The following TAFA4 variants were observed in gnomAD, a reference collection of about 807,000 sequenced individuals.
TAFA4 encodes TAFA chemokine like family member 4.
TAFA4 carries 20 observed loss-of-function variants against 21.1 expected under a neutral mutation model. The ratio of observed to expected loss-of-function variants is 0.95; its 90% confidence interval spans 0.67 to 1.38. TAFA4 has a LOEUF of 1.38. TAFA4 is among the 40% of genes most tolerant of loss of function. TAFA4 has a pLI of 0.00. For missense variants in TAFA4, 211 were observed against 180.9 expected (o/e 1.17, Z -0.95); for synonymous variants, 71 against 67.4 (o/e 1.05, Z -0.26).
At chr3:68,794,804 T>A (rs1464654329) in intron 3 of TAFA4, among the ~76,000 whole-genome samples, 3 of 152,110 alleles carry the variant, frequency 2.0e-5, no homozygotes, top group African/African-American at 7.2e-5. Context: ...ATTCCCTTTA[T>A]TATTTTTAAT....
chr3:68,817,559 T>C (rs764493093), intron 3 of TAFA4, among the ~76,000 whole-genome samples: 1 of 152,214 alleles, frequency 6.6e-6, no homozygotes, highest in Non-Finnish European at 1.5e-5. Flanking sequence ...AAAATAACTA[T>C]ATAAAGCAGC....
At position 68,787,419 on chromosome 3, in the gene TAFA4, T is replaced by C. The variant is rs915659019; in HGVS notation, c.131-34401A>G. Among the ~76,000 whole-genome samples, 35 of 152,116 alleles carry C rather than the reference T, an allele frequency of 2.3e-4. 1 individual carries two copies. Among genetic ancestry groups the C allele is most frequent in the African/African-American group, 7.0e-4 (29 of 41,424 alleles). ...TCATAAAGGGGAAAGAGAGGGGAGA[T>C]AAGGAGAAGATAACAATCATAATTA... On this transcript the variant is annotated intron_variant, in intron 3 of 5. Transcript: ENST00000295569.
At chr3:68,845,323 A>G (rs542299951) in intron 3 of TAFA4, among the ~76,000 whole-genome samples, 2 of 152,050 alleles carry the variant, frequency 1.3e-5, no homozygotes, top group Admixed American at 6.5e-5. Flanking sequence ...AGAGACTAGT[A>G]TTGCAACCCC....
intron 3 of TAFA4, among the ~76,000 whole-genome samples, chr3:68,844,997 G>A (rs1704752193): frequency 6.6e-6 from 1 of 152,202 alleles, no homozygotes; most frequent in South Asian, 2.1e-4. Flanking sequence ...GTATTCTGCT[G>A]ATTTGGGGAG....
intron 3 of TAFA4, among the ~76,000 whole-genome samples, chr3:68,780,800 C>T (rs1024990987): frequency 7.2e-5 from 11 of 151,994 alleles, no homozygotes; most frequent in African/African-American, 2.4e-4. Flanking sequence ...TAATCAGCAA[C>T]TGGCTGGTAT....
chr3:68,832,531 T>C (rs1201205075), intron 3 of TAFA4, among the ~76,000 whole-genome samples: 2 of 152,168 alleles, frequency 1.3e-5, no homozygotes, highest in Non-Finnish European at 2.9e-5. Flanking sequence ...AAAGCAAATA[T>C]TGCTACCTGA....
chr3:68,738,902 C>G (rs1472416755), intron 5 of TAFA4, among the ~76,000 whole-genome samples, 173 bp downstream of exon 5: 1 of 152,148 alleles, frequency 6.6e-6, no homozygotes, highest in East Asian at 1.9e-4. Context: ...ATCTGACACA[C>G]AGAATGATGC....
chr3:68,741,978 AAAACACTAGC>A (rs1177008790), intron 4 of TAFA4, among the ~76,000 whole-genome samples: 4 of 152,264 alleles, frequency 2.6e-5, no homozygotes, highest in African/African-American at 4.8e-5. Flanking sequence ...AATCCTCAAC[AAAACACTAGC>A]AAACTGAATT....
chr3:68,853,870 G>A (rs991494233), intron 3 of TAFA4, among the ~76,000 whole-genome samples: 6 of 152,054 alleles, frequency 3.9e-5, no homozygotes, highest in Non-Finnish European at 7.4e-5. Context: ...CCTGGGCTCA[G>A]AGCATACAGA....
rs112401175 is a variant in TAFA4, at chr3:68,891,734, G to A, written c.-122-6424C>T. Among the ~76,000 whole-genome samples, 7 of 152,230 alleles carry A rather than the reference G, an allele frequency of 4.6e-5. No individual in the cohort carries two copies. In the South Asian group the frequency reaches 6.2e-4, roughly 14 times the overall value. ...GTTTTATGAGTGGAAGGGTAGGGATGGGGGGAGACTATCCCACTAAGTGAT... is the reference window on the plus strand; with the variant it reads ...GTTTTATGAGTGGAAGGGTAGGGATAGGGGGAGACTATCCCACTAAGTGAT... On this transcript the variant is annotated intron_variant, in intron 1 of 5. Coordinates refer to ENST00000295569, the MANE Select transcript of TAFA4 (RefSeq NM_182522.5).
At chr3:68,733,615 TA>T (rs1702190438) in intron 5 of TAFA4, among the ~76,000 whole-genome samples, 1 of 152,160 alleles carries the variant, frequency 6.6e-6, no homozygotes, top group South Asian at 2.1e-4. Context: ...TATTATCCAT[TA>T]AAAAGGTAGT....
chr3:68,912,073 T>G (rs1363746601), intron 1 of TAFA4, among the ~76,000 whole-genome samples: 4 of 152,164 alleles, frequency 2.6e-5, no homozygotes, highest in Non-Finnish European at 5.9e-5. Flanking sequence ...TCGTTCTGTT[T>G]TTCACCTGAC....
intron 4 of TAFA4, among the ~76,000 whole-genome samples, chr3:68,741,590 C>T (rs1363704108): frequency 6.6e-6 from 1 of 151,900 alleles, no homozygotes; most frequent in Non-Finnish European, 1.5e-5. Context: ...GTCAGGAGAT[C>T]GAGACCATCC....
In TAFA4 at chr3:68,814,015, C is replaced by T. The variant is rs552696765; in HGVS notation, c.131-60997G>A. Among the ~76,000 whole-genome samples the T allele has an allele frequency of 5.1e-4, 77 of 152,224 alleles. 1 individual carries two copies. The highest frequency in any genetic ancestry group is 1.6e-3 in the African/African-American group (65 of 41,560). ...TGGGATGCAAGGCTGGTTCAACATA[C>T]GCAAATCAATAAATGTAATCCAGCA... On this transcript the variant is annotated intron_variant, in intron 3 of 5. Coordinates refer to ENST00000295569, the MANE Select transcript of TAFA4 (RefSeq NM_182522.5).
chr3:68,806,732 C>A (rs778695266), intron 3 of TAFA4, among the ~76,000 whole-genome samples: 2 of 151,866 alleles, frequency 1.3e-5, no homozygotes, highest in Non-Finnish European at 2.9e-5. Flanking sequence ...CAATCAGTGC[C>A]CTTATAGGAG....
At chr3:68,813,213 A>G (rs569668991) in intron 3 of TAFA4, among the ~76,000 whole-genome samples, 1 of 152,222 alleles carries the variant, frequency 6.6e-6, no homozygotes, top group African/African-American at 2.4e-5. Context: ...AATGCCCAAA[A>G]GAGAAGCAGG....
intron 3 of TAFA4, among the ~76,000 whole-genome samples, chr3:68,804,676 A>G (rs974265484): frequency 1.3e-5 from 2 of 151,952 alleles, no homozygotes; most frequent in African/African-American, 4.9e-5. Context: ...GATCTTTGAC[A>G]AACCTGAGAA....
chr3:68,874,507 G>A (rs1017660334), intron 3 of TAFA4, among the ~76,000 whole-genome samples: 2 of 152,112 alleles, frequency 1.3e-5, no homozygotes, highest in Admixed American at 6.6e-5. Context: ...TACAGATGAG[G>A]TATTGACCTG....
At chr3:68,766,550 TAA>T (rs35448199) in intron 3 of TAFA4, among the ~76,000 whole-genome samples, 5 of 148,454 alleles carry the variant, frequency 3.4e-5, no homozygotes, top group East Asian at 2.0e-4. Context: ...CAATTTTTCC[TAA>T]AAAAAAAACT....
Sources: allele counts gnomAD v4.1 joint callset (sites outside exome capture counted in the v4.1 genomes callset), GRCh38; gene constraint gnomAD v4.1.1; transcripts MANE v1.5; gene names NCBI Gene and HGNC (gene_info 2026-07-23, HGNC 2026-07-21).